Variants in PCDHA13 observed in about 807,000 individuals in gnomAD.
PCDHA13 encodes the protein protocadherin alpha 13.
In PCDHA13, 54 loss-of-function variants were observed where a neutral mutation model predicts 64.8. The observed-to-expected ratio is 0.83, with a 90% CI of 0.67 to 1.04. The LOEUF (loss-of-function observed/expected upper bound fraction) is 1.04, where lower values mean the gene tolerates loss of function less well. Ranked by LOEUF, PCDHA13 falls within the 50% of genes least tolerant of loss-of-function variation. PCDHA13 has a pLI of 0.00. For missense variants in PCDHA13, 1,248 were observed against 1,254.3 expected, an observed-to-expected ratio of 0.99 and a Z score of 0.08; for synonymous variants, 587 against 564.4, an observed-to-expected ratio of 1.04 and a Z score of -0.57.
intron 3 of PCDHA13, among the ~76,000 whole-genome samples, chr5:140,990,652 A>T (rs1023448596): frequency 1.3e-4 from 20 of 152,208 alleles, no homozygotes; most frequent in Admixed American, 1.3e-3. Flanking sequence ...GCCAGTATGA[A>T]TGATTTACAT....
intron 1 of PCDHA13, among the ~76,000 whole-genome samples, chr5:140,918,569 G>T (rs374823656): frequency 3.9e-5 from 6 of 152,136 alleles, no homozygotes; most frequent in African/African-American, 1.4e-4. Context: ...TGTATATTAT[G>T]CTGCTATTGG....
At chr5:141,000,398 T>TAA in intron 3 of PCDHA13, among the ~76,000 whole-genome samples, 1 of 55,032 alleles carries the variant, frequency 1.8e-5, no homozygotes, top group African/African-American at 7.5e-5. Flanking sequence ...TCTCTCTCTA[T>TAA]ATATATATAT....
intron 1 of PCDHA13, among the ~76,000 whole-genome samples, chr5:140,921,909 CATG>C (rs1554200522): frequency 6.6e-6 from 1 of 151,678 alleles, no homozygotes; most frequent in Non-Finnish European, 1.5e-5. Context: ...ATATATATTA[CATG>C]ATAAAACTTA....
At chr5:140,964,173 C>A (rs1052958313) in intron 1 of PCDHA13, among the ~76,000 whole-genome samples, 5 of 152,174 alleles carry the variant, frequency 3.3e-5, no homozygotes, top group Non-Finnish European at 7.4e-5. Context: ...GGAACGAAAT[C>A]ATTATAGTGC....
intron 3 of PCDHA13, among the ~76,000 whole-genome samples, chr5:140,985,740 T>C (rs992695405): frequency 1.9e-5 from 1 of 53,688 alleles, no homozygotes; most frequent in Admixed American, 1.9e-4. Context: ...GATGAATTCC[T>C]TTTTTTTTTT....
chr5:140,927,453 G>T, intron 1 of PCDHA13: 3 of 1,614,168 alleles, frequency 1.9e-6, no homozygotes, highest in Non-Finnish European at 2.5e-6. Context: ...AGTTGGTGTT[G>T]GAGAAAGCAC....
intron 1 of PCDHA13, among the ~76,000 whole-genome samples, chr5:140,918,467 C>T (rs2078709178): frequency 6.6e-6 from 1 of 152,006 alleles, no homozygotes; most frequent in Non-Finnish European, 1.5e-5. Context: ...TGTCTTATTC[C>T]AAGTCTCAAG....
chr5:140,942,410 A>T (rs1047414912), intron 1 of PCDHA13, among the ~76,000 whole-genome samples: 3 of 142,238 alleles, frequency 2.1e-5, no homozygotes, highest in Non-Finnish European at 3.1e-5. Context: ...GACTCTGTTT[A>T]AAAAAAAAAA....
In PCDHA13 at chr5:140,904,839, ATCT is replaced by A. The variant is rs1480252178; in HGVS notation, c.2394+20184_2394+20186del. 4.1e-4 allele frequency among the ~76,000 whole-genome samples: 62 copies of A among 152,040 alleles called. No individual in the cohort carries two copies. The East Asian group carries it at 6.4e-3, about 16-fold the overall frequency. Reference sequence around the variant, plus strand: ...TTGAGCATTTTTTTATATGTTTCATATCTTCTTCTGAGAATTGTCTGTTTATGT... The same window carrying A: ...TTGAGCATTTTTTTATATGTTTCATATCTTCTGAGAATTGTCTGTTTATGT... On this transcript the variant is annotated intron_variant, in intron 1 of 3. Coordinates refer to ENST00000289272, the MANE Select transcript of PCDHA13 (RefSeq NM_018904.3).
At chr5:140,888,128 T>C (rs1365856723) in intron 1 of PCDHA13, among the ~76,000 whole-genome samples, 1 of 152,248 alleles carries the variant, frequency 6.6e-6, no homozygotes, top group Non-Finnish European at 1.5e-5. Flanking sequence ...TCTATGGATA[T>C]ATTTTCTTGC....
intron 1 of PCDHA13, among the ~76,000 whole-genome samples, chr5:140,890,896 T>A (rs2062845405): frequency 6.6e-6 from 1 of 152,182 alleles, no homozygotes; most frequent in African/African-American, 2.4e-5. Context: ...ATTATTGTCT[T>A]TCCATGTTAG....
chr5:140,990,195 A>C (rs1030331876), intron 3 of PCDHA13, among the ~76,000 whole-genome samples: 1 of 152,012 alleles, frequency 6.6e-6, no homozygotes, highest in Non-Finnish European at 1.5e-5. Flanking sequence ...CCAAATGTGG[A>C]CCCGAAAGAG....
At chr5:140,927,318 C>T (rs149532133) in intron 1 of PCDHA13, 18,448 of 1,614,194 alleles carry the variant, frequency 0.011, 218 homozygotes, top group South Asian at 0.039. Flanking sequence ...CCGGAGCCCG[C>T]TTTACTCTCC....
At chr5:140,938,536 G>T (rs1443736475) in intron 1 of PCDHA13, among the ~76,000 whole-genome samples, 2 of 140,060 alleles carry the variant, frequency 1.4e-5, no homozygotes, top group Non-Finnish European at 3.2e-5. Context: ...TGGATAATAT[G>T]GATTTTTATC....
chr5:140,968,951 A>G, intron 1 of PCDHA13: 4 of 1,614,228 alleles, frequency 2.5e-6, no homozygotes, highest in Non-Finnish European at 3.4e-6. Context: ...TTTGAGCATC[A>G]TCAAGTGCTA....
chr5:140,893,040 C>A (rs1554185508), intron 1 of PCDHA13, among the ~76,000 whole-genome samples: 1 of 152,226 alleles, frequency 6.6e-6, no homozygotes, highest in African/African-American at 2.4e-5. Flanking sequence ...AACATATGCC[C>A]TCCAGGCTCA....
chr5:140,891,234 G>A (rs1477518444), intron 1 of PCDHA13, among the ~76,000 whole-genome samples: 2 of 151,932 alleles, frequency 1.3e-5, no homozygotes, highest in Non-Finnish European at 2.9e-5. Context: ...ATCCTGTTCT[G>A]GATTCAGTAG....
chr5:140,931,175 G>A (rs1321525314), intron 1 of PCDHA13, among the ~76,000 whole-genome samples: 2 of 152,138 alleles, frequency 1.3e-5, no homozygotes, highest in Non-Finnish European at 2.9e-5. Flanking sequence ...TAATTTTAGG[G>A]AAGGAAATTG....
chr5:140,916,227 C>T (rs1554197349), intron 1 of PCDHA13, among the ~76,000 whole-genome samples: 2 of 152,208 alleles, frequency 1.3e-5, no homozygotes, highest in African/African-American at 4.8e-5. Context: ...AATATGCTTT[C>T]CAGGAGCCAA....
Sources: gnomAD v4.1 joint callset for allele counts (sites outside exome capture counted in the v4.1 genomes callset) on GRCh38, gnomAD v4.1.1 for gene constraint, MANE v1.5 for transcripts, NCBI Gene and HGNC (gene_info 2026-07-23, HGNC 2026-07-21) for gene names.